CACNA2D3: variants seen among roughly 807,000 people sequenced by gnomAD.
The protein encoded by CACNA2D3 is calcium voltage-gated channel auxiliary subunit alpha2delta 3.
CACNA2D3 carries 60 observed loss-of-function variants against 160.6 expected under a neutral mutation model. The observed-to-expected ratio is 0.37, with a 90% CI of 0.30 to 0.46. The LOEUF (loss-of-function observed/expected upper bound fraction) is 0.46, where lower values mean the gene tolerates loss of function less well. Ranked by LOEUF, CACNA2D3 falls within the 20% of genes least tolerant of loss-of-function variation. The probability of loss-of-function intolerance (pLI) is 1.00; values close to 1 mark genes in which losing one functional copy is unlikely to be tolerated. For missense variants in CACNA2D3, 1,205 were observed against 1,365.0 expected (o/e 0.88, Z 1.85); for synonymous variants, 558 against 492.9 (o/e 1.13, Z -1.75).
intron 31 of CACNA2D3, among the ~76,000 whole-genome samples, chr3:55,004,343 G>A (rs1703042364): frequency 6.6e-6 from 1 of 152,194 alleles, no homozygotes; most frequent in South Asian, 2.1e-4. Flanking sequence ...ATCCTGCCAT[G>A]CTTTATCCCA....
At chr3:54,342,907 C>T (rs1575405697) in intron 3 of CACNA2D3, among the ~76,000 whole-genome samples, 1 of 152,292 alleles carries the variant, frequency 6.6e-6, no homozygotes, top group South Asian at 2.1e-4. Context: ...AAGCACCTGC[C>T]TCAGAGGAGC....
intron 2 of CACNA2D3, among the ~76,000 whole-genome samples, chr3:54,277,344 A>G (rs529013036): frequency 6.6e-6 from 1 of 152,342 alleles, no homozygotes; most frequent in East Asian, 1.9e-4. Flanking sequence ...TCTTCTGCAT[A>G]TGGCTAGCCA....
At chr3:54,675,818 A>G (rs892357737) in intron 11 of CACNA2D3, among the ~76,000 whole-genome samples, 2 of 152,154 alleles carry the variant, frequency 1.3e-5, no homozygotes, top group African/African-American at 4.8e-5. Flanking sequence ...GAGACCTACA[A>G]CAGGCAGGCC....
At position 54,626,315 on chromosome 3, in the gene CACNA2D3, C is replaced by T. The variant is rs1028037930; in HGVS notation, c.964-1472C>T. Reference sequence around the variant, plus strand: ...GACATGTCCTACAAGCGGCTGATGCCGCTGTACAGTGCGCGCCAGCAGCGG... The same window carrying T: ...GACATGTCCTACAAGCGGCTGATGCTGCTGTACAGTGCGCGCCAGCAGCGG... On this transcript the variant is annotated intron_variant, in intron 9 of 37. Coordinates refer to ENST00000474759, the MANE Select transcript of CACNA2D3 (RefSeq NM_018398.3). The T allele has an allele frequency of 5.2e-6, 8 of 1,551,044 alleles. No homozygotes were observed. The Admixed American group carries it at 1.4e-4, about 26-fold the overall frequency.
At position 54,813,863 on chromosome 3, in the gene CACNA2D3, CT is replaced by C. The variant is rs10699574; in HGVS notation, c.1381-2971del. ...AATTCTGCTATTTGGTTATAATATT[CT>C]TTTTTTTTTTTTTTTTTTGAGACAG... On this transcript the variant is annotated intron_variant, in intron 13 of 37. Coordinates refer to ENST00000474759, the MANE Select transcript of CACNA2D3 (RefSeq NM_018398.3). Among the ~76,000 whole-genome samples, 696 of 121,550 alleles carry C rather than the reference CT, an allele frequency of 5.7e-3. 2 individuals carry two copies. Among genetic ancestry groups the C allele is most frequent in the African/African-American group, 0.016 (501 of 31,792 alleles). 79.7% of individuals were successfully genotyped at this position (121,550 alleles called of 152,430 possible).
intron 5 of CACNA2D3, among the ~76,000 whole-genome samples, chr3:54,551,024 T>C (rs1445854492): frequency 6.6e-6 from 1 of 152,178 alleles, no homozygotes; most frequent in Non-Finnish European, 1.5e-5. Context: ...TGCCACCACT[T>C]GGTTGCTCTC....
At chr3:54,539,496 T>G (rs1037786862) in intron 5 of CACNA2D3, among the ~76,000 whole-genome samples, 1 of 152,204 alleles carries the variant, frequency 6.6e-6, no homozygotes, top group African/African-American at 2.4e-5. Flanking sequence ...TTTTGCTTTG[T>G]GACATTTGTG....
intron 13 of CACNA2D3, among the ~76,000 whole-genome samples, chr3:54,810,658 T>C (rs1451972867): frequency 1.3e-5 from 2 of 152,200 alleles, no homozygotes; most frequent in Middle Eastern, 3.2e-3. Context: ...GAAAATACTT[T>C]GTTTCTTATT....
chr3:54,271,629 G>A (rs1455856463), intron 2 of CACNA2D3, among the ~76,000 whole-genome samples: 1 of 151,990 alleles, frequency 6.6e-6, no homozygotes, highest in African/African-American at 2.4e-5. Context: ...TCTTCTAATT[G>A]AACTTAATTT....
chr3:54,649,312 C>G (rs1699714757), intron 11 of CACNA2D3, among the ~76,000 whole-genome samples: 1 of 152,154 alleles, frequency 6.6e-6, no homozygotes, highest in Non-Finnish European at 1.5e-5. Context: ...TTGACTGCCC[C>G]TTGAACCTGG....
intron 27 of CACNA2D3, among the ~76,000 whole-genome samples, chr3:54,964,866 C>T (rs1197993415): frequency 6.6e-6 from 1 of 151,606 alleles, no homozygotes; most frequent in Non-Finnish European, 1.5e-5. Flanking sequence ...CATTTTCACG[C>T]TCAAGAAATA....
chr3:54,266,022 G>A (rs897071625), intron 2 of CACNA2D3, among the ~76,000 whole-genome samples: 1 of 152,066 alleles, frequency 6.6e-6, no homozygotes, highest in Admixed American at 6.5e-5. Context: ...AAGGACACAA[G>A]GATTAGAAAA....
intron 10 of CACNA2D3, among the ~76,000 whole-genome samples, chr3:54,629,375 A>G (rs966428551): frequency 6.6e-6 from 1 of 152,194 alleles, no homozygotes; most frequent in South Asian, 2.1e-4. Context: ...TGGCCTCTCA[A>G]GAAAGGCTAG....
chr3:54,306,283 G>A (rs913305644), intron 2 of CACNA2D3, among the ~76,000 whole-genome samples: 3 of 151,776 alleles, frequency 2.0e-5, no homozygotes, highest in African/African-American at 7.3e-5. Flanking sequence ...ACAGATGTTA[G>A]GAGAAAAAAA....
At chr3:54,493,060 C>CTTTTTTT (rs34225864) in intron 4 of CACNA2D3, among the ~76,000 whole-genome samples, 5 of 58,796 alleles carry the variant, frequency 8.5e-5, no homozygotes, top group African/African-American at 3.8e-4. Flanking sequence ...TTGCTCAAAA[C>CTTTTTTT]TTTTTTTTTT....
chr3:55,024,287 T>G (rs1490059057), intron 35 of CACNA2D3, among the ~76,000 whole-genome samples: 1 of 151,108 alleles, frequency 6.6e-6, no homozygotes, highest in Non-Finnish European at 1.5e-5. Context: ...GGAGTTAAAG[T>G]GAGAAAATGT....
At chr3:55,058,565 A>G (rs1470377632) in intron 35 of CACNA2D3, among the ~76,000 whole-genome samples, 5 of 152,170 alleles carry the variant, frequency 3.3e-5, no homozygotes, top group Admixed American at 6.5e-5. Flanking sequence ...GTGGTCAGCA[A>G]CTGAGACTAT....
intron 8 of CACNA2D3, among the ~76,000 whole-genome samples, chr3:54,570,317 C>A (rs1236512810): frequency 6.6e-6 from 1 of 152,098 alleles, no homozygotes; most frequent in East Asian, 1.9e-4. Context: ...CCTGTCTTAA[C>A]CTACCACACA....
chr3:54,752,128 G>C (rs1398887204), intron 11 of CACNA2D3, among the ~76,000 whole-genome samples: 1 of 152,192 alleles, frequency 6.6e-6, no homozygotes, highest in Non-Finnish European at 1.5e-5. Context: ...TATCATGCCA[G>C]ACACCACAGA....
Sources: gnomAD v4.1 joint callset for allele counts (sites outside exome capture counted in the v4.1 genomes callset) on GRCh38, gnomAD v4.1.1 for gene constraint, MANE v1.5 for transcripts, NCBI Gene and HGNC (gene_info 2026-07-23, HGNC 2026-07-21) for gene names.